The following LPCAT2 variants were observed in gnomAD, a reference collection of about 807,000 sequenced individuals.
LPCAT2 encodes 1-AGP acyltransferase 11.
Under a neutral mutation model 64.7 loss-of-function variants are expected in LPCAT2, and 58 were observed. The ratio of observed to expected loss-of-function variants is 0.90; its 90% confidence interval spans 0.73 to 1.12. The LOEUF is 1.12. Ranked by LOEUF, LPCAT2 falls within the 50% of genes most tolerant of loss-of-function variation. LPCAT2 has a pLI of 0.00. For missense variants in LPCAT2, 579 were observed against 669.8 expected, an observed-to-expected ratio of 0.86 and a Z score of 1.50; for synonymous variants, 252 against 245.3, an observed-to-expected ratio of 1.03 and a Z score of -0.26.
At chr16:55,544,188 T>C (rs1596868318) in intron 8 of LPCAT2, among the ~76,000 whole-genome samples, 1 of 152,274 alleles carries the variant, frequency 6.6e-6, no homozygotes, top group East Asian at 1.9e-4. Flanking sequence ...ATACCAATGC[T>C]TACAGTTTTC....
At chr16:55,544,508 C>T (rs11644194) in intron 8 of LPCAT2, among the ~76,000 whole-genome samples, 121,538 of 152,158 alleles carry the variant, frequency 0.8, 51,608 homozygotes, top group Non-Finnish European at 0.94. Flanking sequence ...TGCCTGAGCA[C>T]CTACTATGGG....
chr16:55,532,687 A>G (rs1596859776), intron 5 of LPCAT2, 137 bp from the exon 6 acceptor site: 3 of 541,616 alleles, frequency 5.5e-6, no homozygotes, highest in Middle Eastern at 5.5e-4. Context: ...CTAGGGATTT[A>G]CCAACATTTA....
intron 1 of LPCAT2, among the ~76,000 whole-genome samples, chr16:55,509,599 C>G (rs1962896686): frequency 6.6e-6 from 1 of 150,636 alleles, no homozygotes; most frequent in Non-Finnish European, 1.5e-5. Context: ...TGGTGTAGGT[C>G]TGACGGGGGA....
chr16:55,509,283 C>T lies in LPCAT2; in HGVS notation c.102C>T (p.Ser34=). Residue 34 remains serine, a synonymous_variant, in exon 1 of 14, where the codon TCC becomes TCT. Coordinates refer to ENST00000262134, the MANE Select transcript of LPCAT2 (RefSeq NM_017839.5). Reference sequence around the variant, plus strand: ...CGCCCATGGTGCCCCGTCAGGCGTCCTTCTTCCCGCCGCCGGTGCCGAACC... The same window carrying T: ...CGCCCATGGTGCCCCGTCAGGCGTCTTTCTTCCCGCCGCCGGTGCCGAACC... The part of the protein sequence containing the change: ...LRPPMVPRQA[S]FFPPPVPNPF... 5 of 1,513,296 alleles carry T rather than the reference C, an allele frequency of 3.3e-6. No individual in the cohort carries two copies. Among genetic ancestry groups the T allele is most frequent in the African/African-American group, 1.4e-5 (1 of 70,248 alleles). 93.7% of individuals were successfully genotyped at this position (1,513,296 alleles called of 1,614,324 possible).
intron 4 of LPCAT2, among the ~76,000 whole-genome samples, chr16:55,530,486 CG>C (rs1596857948): frequency 9.7e-6 from 1 of 102,860 alleles, no homozygotes. Context: ...CCCTGGAATG[CG>C]GGGGTGGGGG....
At chr16:55,554,264 G>A (rs545098793) in intron 11 of LPCAT2, among the ~76,000 whole-genome samples, 27 of 152,132 alleles carry the variant, frequency 1.8e-4, no homozygotes, top group African/African-American at 6.3e-4. Flanking sequence ...TATGAAAGTC[G>A]TAGATGGCAT....
chr16:55,566,704 T>C lies in LPCAT2; in HGVS notation c.1216-7927T>C, dbSNP rs1393100283. 4 of 1,544,466 alleles carry C rather than the reference T, an allele frequency of 2.6e-6. No homozygotes were observed. The Admixed American group carries it at 8.1e-5, about 31-fold the overall frequency. ...AAACTACTTGAACTCCATTTCATCTTTTTTCATACCATCTCTAAGATTGCT... is the reference window on the plus strand; with the variant it reads ...AAACTACTTGAACTCCATTTCATCTCTTTTCATACCATCTCTAAGATTGCT... On this transcript the variant is annotated intron_variant, in intron 11 of 13. Coordinates refer to ENST00000262134, the MANE Select transcript of LPCAT2 (RefSeq NM_017839.5).
At chr16:55,541,997 G>T (rs1596867052) in intron 8 of LPCAT2, 2 of 1,155,440 alleles carry the variant, frequency 1.7e-6, no homozygotes, top group Non-Finnish European at 2.2e-6. Flanking sequence ...TCTGTTACAA[G>T]GAAAAAATAA....
intron 11 of LPCAT2, among the ~76,000 whole-genome samples, chr16:55,569,997 C>T (rs1963751519): frequency 6.6e-6 from 1 of 152,048 alleles, no homozygotes; most frequent in African/African-American, 2.4e-5. Context: ...AACTCCATGC[C>T]ATTATTCTTA....
At chr16:55,509,651 C>T (rs1391803902) in intron 1 of LPCAT2, among the ~76,000 whole-genome samples, 1 of 151,792 alleles carries the variant, frequency 6.6e-6, no homozygotes, top group African/African-American at 2.4e-5. Flanking sequence ...CGTTGTGGGT[C>T]TGGGAAGCAA....
At chr16:55,524,903 C>A (rs1963147773) in intron 1 of LPCAT2, among the ~76,000 whole-genome samples, 1 of 152,006 alleles carries the variant, frequency 6.6e-6, no homozygotes, top group African/African-American at 2.4e-5. Context: ...TTACTACACG[C>A]CAAGTGCTTA....
At chr16:55,550,742 C>T (rs928204318) in intron 10 of LPCAT2, among the ~76,000 whole-genome samples, 1 of 152,114 alleles carries the variant, frequency 6.6e-6, no homozygotes, top group Non-Finnish European at 1.5e-5. Context: ...GGTGAAACCC[C>T]ATCTCTCCTA....
At chr16:55,567,366 A>G in intron 11 of LPCAT2, 1 of 1,613,740 alleles carries the variant, frequency 6.2e-7, no homozygotes, top group Non-Finnish European at 8.5e-7. Context: ...AGATGGAGAT[A>G]TGGATTTTAA....
intron 11 of LPCAT2, chr16:55,567,456 A>T (rs1963717659): frequency 6.2e-7 from 1 of 1,613,662 alleles, no homozygotes; most frequent in Non-Finnish European, 8.5e-7. Flanking sequence ...AGATGGCCTG[A>T]TTCAAGTGTC....
intron 11 of LPCAT2, among the ~76,000 whole-genome samples, chr16:55,565,618 T>C (rs1367573785): frequency 3.9e-5 from 6 of 152,112 alleles, no homozygotes; most frequent in African/African-American, 1.4e-4. Context: ...ACAAATACTG[T>C]ATGATTCCAC....
intron 6 of LPCAT2, among the ~76,000 whole-genome samples, chr16:55,533,538 G>A (rs1162328373): frequency 2.7e-5 from 4 of 149,748 alleles, no homozygotes; most frequent in Non-Finnish European, 5.9e-5. Context: ...TCAGCCTCCC[G>A]AGTAGTGGGG....
intron 5 of LPCAT2, chr16:55,532,189 T>C (rs974931888): frequency 9.6e-5 from 46 of 476,764 alleles, no homozygotes; most frequent in Non-Finnish European, 1.6e-4. Context: ...ACTCCATGCA[T>C]GTGCACTTAG....
At chr16:55,570,931 G>A (rs1963763237) in intron 11 of LPCAT2, among the ~76,000 whole-genome samples, 2 of 152,060 alleles carry the variant, frequency 1.3e-5, no homozygotes, top group South Asian at 2.1e-4. Context: ...TATCTCTGAC[G>A]ATGTGAAGAC....
intron 1 of LPCAT2, among the ~76,000 whole-genome samples, chr16:55,514,077 T>C (rs1398888980): frequency 6.6e-6 from 1 of 152,080 alleles, no homozygotes; most frequent in African/African-American, 2.4e-5. Flanking sequence ...TTGCTTAACA[T>C]CACAGCTGCC....
Sources: allele counts gnomAD v4.1 joint callset (sites outside exome capture counted in the v4.1 genomes callset), GRCh38; gene constraint gnomAD v4.1.1; transcripts MANE v1.5; gene names NCBI Gene and HGNC (gene_info 2026-07-23, HGNC 2026-07-21).